MTIF3: variants seen among roughly 807,000 people sequenced by gnomAD.
The protein encoded by MTIF3 is translation initiation factor IF-3, mitochondrial.
Under a neutral mutation model 20.7 loss-of-function variants are expected in MTIF3, and 13 were observed. The observed-to-expected ratio is 0.63, with a 90% CI of 0.41 to 1.00. The LOEUF (loss-of-function observed/expected upper bound fraction) is 1.00, where lower values mean the gene tolerates loss of function less well. MTIF3 is among the 50% of genes least tolerant of loss of function. MTIF3 has a pLI of 0.00. For synonymous variants in MTIF3, 114 were observed against 112.5 expected (o/e 1.01, Z -0.08); for missense variants, 295 against 324.5 (o/e 0.91, Z 0.70).
chr13:27,437,152 C>T lies in MTIF3; in HGVS notation c.582G>A (p.Lys194=). The T allele has an allele frequency of 6.2e-7, 1 of 1,613,656 alleles. No homozygotes were observed. Among genetic ancestry groups the T allele is most frequent in the African/African-American group, 1.3e-5 (1 of 74,980 alleles). ...KKKHLVQITI[K]KGKNVDVSEN... ...CTGACACGTCTACATTTTTTCCTTT[C>T]TTTATGGTAATCTGGACTAGGTGTT... Residue 194 remains lysine (K), a synonymous_variant, in exon 4 of 5, where the codon AAG becomes AAA. Coordinates refer to ENST00000381120, the MANE Select transcript of MTIF3 (RefSeq NM_152912.5).
intron 3 of MTIF3, among the ~76,000 whole-genome samples, chr13:27,439,611 A>G (rs9581852): frequency 0.13 from 20,123 of 152,232 alleles, 1,766 homozygotes; most frequent in Non-Finnish European, 0.18. Context: ...GAGGGCAGGG[A>G]ACTTGAATGT....
chr13:27,444,505 G>A (rs1327065659), intron 2 of MTIF3, among the ~76,000 whole-genome samples: 1 of 152,110 alleles, frequency 6.6e-6, no homozygotes, highest in Non-Finnish European at 1.5e-5. Context: ...TTCAAAACAG[G>A]CCCTTATAGA....
chr13:27,450,514 C>T lies in MTIF3; in HGVS notation c.-76G>A, dbSNP rs1166638018. 6.6e-6 allele frequency: 1 copy of T among 152,340 alleles called. No individual in the cohort carries two copies. The highest frequency in any genetic ancestry group is 1.5e-5 in the Non-Finnish European group (1 of 68,106). The allele number at this position is 152,340 out of a possible 1,614,324, so 9.4% of individuals were successfully genotyped here. ...CGCCTCATATTTAGCATTACCTGTG[C>T]TGGGGCAAGCGATTGACATACTGTA... On this transcript the variant is annotated 5_prime_UTR_variant, in exon 1 of 5. Transcript: ENST00000381120.
chr13:27,447,379 G>A (rs1031390637), intron 1 of MTIF3, among the ~76,000 whole-genome samples: 1 of 152,024 alleles, frequency 6.6e-6, no homozygotes, highest in South Asian at 2.1e-4. Context: ...AACAACACTA[G>A]GCTGAAGAGG....
At chr13:27,450,151 G>C (rs554999433) in intron 1 of MTIF3, 6 of 152,440 alleles carry the variant, frequency 3.9e-5, no homozygotes, top group African/African-American at 9.6e-5. Context: ...CCTGCAGAAC[G>C]GGACCGGCGG....
At chr13:27,448,620 TGG>T (rs1954254664) in intron 1 of MTIF3, among the ~76,000 whole-genome samples, 1 of 151,714 alleles carries the variant, frequency 6.6e-6, no homozygotes, top group Admixed American at 6.6e-5. Context: ...TTTAGAACAC[TGG>T]AAAAAGCCAA....
intron 3 of MTIF3, 37 bp from the exon 4 acceptor site, chr13:27,437,310 T>TA: frequency 6.3e-7 from 1 of 1,585,386 alleles, no homozygotes; most frequent in Non-Finnish European, 8.6e-7. Context: ...GACTACTGAC[T>TA]AGTCCACTGT....
chr13:27,439,273 A>T (rs1953904661), intron 3 of MTIF3, among the ~76,000 whole-genome samples: 1 of 152,214 alleles, frequency 6.6e-6, no homozygotes, highest in Admixed American at 6.5e-5. Flanking sequence ...AGGAGGGCAG[A>T]TCACTTAAGG....
At chr13:27,441,996 T>C (rs1400203023) in intron 2 of MTIF3, among the ~76,000 whole-genome samples, 1 of 152,190 alleles carries the variant, frequency 6.6e-6, no homozygotes, top group East Asian at 1.9e-4. Flanking sequence ...CTTACCTAGT[T>C]TGGTAACACC....
At position 27,435,828 on chromosome 13, in the gene MTIF3, T is replaced by C. The variant is rs1238465797; in HGVS notation, c.684A>G (p.Gln228=). ...TTAAAGCTTTTCCTCCTTGAACAGCTTGTGGCCTAGATGAGAATGTAGCTA... is the reference window on the plus strand; with the variant it reads ...TTAAAGCTTTTCCTCCTTGAACAGCCTGTGGCCTAGATGAGAATGTAGCTA... ...PGIATFSSRP[Q]AVQGGKALMC... The change falls in exon 5 of 5, where the codon CAA becomes CAG. Residue 228 remains glutamine, a synonymous_variant. Transcript: ENST00000381120. The C allele has an allele frequency of 5.0e-6, 8 of 1,614,048 alleles. No homozygotes were observed. In the African/African-American group the frequency reaches 6.7e-5, roughly 13 times the overall value.
At chr13:27,443,653 C>T (rs1464306277) in intron 2 of MTIF3, among the ~76,000 whole-genome samples, 3 of 152,160 alleles carry the variant, frequency 2.0e-5, no homozygotes, top group Non-Finnish European at 4.4e-5. Context: ...TACTGGCTAT[C>T]TTTTTCCCTT....
chr13:27,442,225 A>G (rs958080571), intron 2 of MTIF3, among the ~76,000 whole-genome samples: 2 of 152,118 alleles, frequency 1.3e-5, no homozygotes, highest in African/African-American at 4.8e-5. Flanking sequence ...CTCAGGCCAA[A>G]AATACCAACG....
In MTIF3 at chr13:27,440,346, C is replaced by A. The variant is rs199881840; in HGVS notation, c.103G>T (p.Ala35Ser). 217 of 1,614,040 alleles carry A rather than the reference C, an allele frequency of 1.3e-4. No individual in the cohort carries two copies. Among genetic ancestry groups the A allele is most frequent in the Non-Finnish European group, 1.8e-4 (207 of 1,180,030 alleles). Residue 35 changes from alanine to serine, a missense_variant, in exon 3 of 5, where the codon GCA becomes TCA. By Grantham distance (99) the Ala-to-Ser change is moderately conservative. Transcript: ENST00000381120. Reference sequence around the variant, plus strand: ...GCAGAAGCAATAGGGGACAACTGTGCTGGTGCTGTCTTTTGCAGGATGTGT... The same window carrying A: ...GCAGAAGCAATAGGGGACAACTGTGATGGTGCTGTCTTTTGCAGGATGTGT... Reference protein sequence around the residue: ...GKHILQKTAPAQLSPIASAPR... With the variant: ...GKHILQKTAPSQLSPIASAPR...
At chr13:27,439,743 C>T (rs1025493222) in intron 3 of MTIF3, among the ~76,000 whole-genome samples, 23 of 152,042 alleles carry the variant, frequency 1.5e-4, no homozygotes, top group African/African-American at 4.8e-4. Flanking sequence ...TGGTTTCTCC[C>T]ACATTTTACA....
At chr13:27,437,936 A>G (rs1953845462) in intron 3 of MTIF3, among the ~76,000 whole-genome samples, 1 of 152,150 alleles carries the variant, frequency 6.6e-6, no homozygotes, top group Admixed American at 6.5e-5. Flanking sequence ...AAAAAAAGGC[A>G]AAATGAAAAA....
intron 3 of MTIF3, among the ~76,000 whole-genome samples, chr13:27,439,009 CATA>C (rs1953895702): frequency 6.6e-6 from 1 of 152,216 alleles, no homozygotes; most frequent in Non-Finnish European, 1.5e-5. Context: ...ATTGAACTTT[CATA>C]ATGATTGGCA....
At chr13:27,441,441 G>T (rs116624996) in intron 2 of MTIF3, among the ~76,000 whole-genome samples, 297 of 152,318 alleles carry the variant, frequency 1.9e-3, no homozygotes, top group African/African-American at 6.6e-3. Context: ...GAGCCTGTCA[G>T]AAAACACTGT....
intron 1 of MTIF3, among the ~76,000 whole-genome samples, chr13:27,446,214 C>T (rs1024080942): frequency 3.3e-5 from 5 of 151,992 alleles, no homozygotes; most frequent in Admixed American, 6.6e-5. Context: ...GCACCACTAC[C>T]GCCTGGCTAA....
At chr13:27,436,745 ATTTT>A (rs66903644) in intron 4 of MTIF3, among the ~76,000 whole-genome samples, 209 of 90,188 alleles carry the variant, frequency 2.3e-3, no homozygotes, top group Middle Eastern at 0.011. Context: ...ATTTTCTACA[ATTTT>A]TTTTTTTTTT....
Sources: gnomAD v4.1 joint callset for allele counts (sites outside exome capture counted in the v4.1 genomes callset) on GRCh38, gnomAD v4.1.1 for gene constraint, MANE v1.5 for transcripts, NCBI Gene and HGNC (gene_info 2026-07-23, HGNC 2026-07-21) for gene names.